CRB1: variants seen among roughly 807,000 people sequenced by gnomAD.
CRB1 encodes crumbs cell polarity complex component 1.
Under a neutral mutation model 120.0 loss-of-function variants are expected in CRB1, and 83 were observed. The observed-to-expected ratio is 0.69, with a 90% CI of 0.58 to 0.83. CRB1 has a LOEUF of 0.83. Among genes scored for constraint, CRB1 ranks in the 40% least tolerant of loss-of-function variants. The pLI is 0.00. For synonymous variants in CRB1, 625 were observed against 612.5 expected, an observed-to-expected ratio of 1.02 and a Z score of -0.30; for missense variants, 1,699 against 1,687.6, an observed-to-expected ratio of 1.01 and a Z score of -0.12.
chr1:197,406,798 T>G (rs1663433218), intron 5 of CRB1, among the ~76,000 whole-genome samples: 1 of 152,206 alleles, frequency 6.6e-6, no homozygotes, highest in South Asian at 2.1e-4. Flanking sequence ...AGTTGTATAG[T>G]GCTTTATATT....
At chr1:197,202,432 AAG>A in the CRB1 span, among the ~76,000 whole-genome samples, 1 of 152,222 alleles carries the variant, frequency 6.6e-6, no homozygotes, top group Non-Finnish European at 1.5e-5. Context: ...ATGTAAAACC[AAG>A]ATAGAAAAAG....
chr1:197,375,282 A>G (rs1043569861), intron 5 of CRB1, among the ~76,000 whole-genome samples: 3 of 152,188 alleles, frequency 2.0e-5, no homozygotes, highest in African/African-American at 7.2e-5. Flanking sequence ...TATCATGTTT[A>G]TGTAGGTTTC....
intron 4 of CRB1, among the ~76,000 whole-genome samples, chr1:197,350,960 T>C (rs1024062678): frequency 2.0e-5 from 3 of 151,726 alleles, no homozygotes; most frequent in Non-Finnish European, 2.9e-5. Flanking sequence ...AATTAGGAAG[T>C]TGTGTAGTCC....
chr1:197,279,701 G>GT (rs1461091870), intron 1 of CRB1, among the ~76,000 whole-genome samples: 2 of 151,708 alleles, frequency 1.3e-5, no homozygotes, highest in Middle Eastern at 3.4e-3. Context: ...CATAAACGTA[G>GT]TTTTTTCTGT....
At chr1:197,456,180 A>G (rs1666276449) in intron 11 of CRB1, among the ~76,000 whole-genome samples, 1 of 152,194 alleles carries the variant, frequency 6.6e-6, no homozygotes, top group African/African-American at 2.4e-5. Context: ...ATATGTATTA[A>G]TGACTGATAA....
intron 5 of CRB1, among the ~76,000 whole-genome samples, chr1:197,390,953 T>G (rs971962985): frequency 6.6e-6 from 1 of 152,034 alleles, no homozygotes; most frequent in Non-Finnish European, 1.5e-5. Context: ...ATATATTTTG[T>G]GACAACATTA....
rs1386890068 is a variant in CRB1, at chr1:197,421,789, C to T, written c.1961C>T (p.Thr654Ile). 4 of 1,614,056 alleles carry T rather than the reference C, an allele frequency of 2.5e-6. No individual in the cohort carries two copies. The highest frequency in any genetic ancestry group is 2.2e-5 in the East Asian group (1 of 44,890). ...ATTAAAATTGATTGGAATCACATTA[C>T]CCTGGAGAACATCTCGTCTGGCTCA... ...QDIKIDWNHITLENISSGSSL... is the reference protein window; with the variant it reads ...QDIKIDWNHIILENISSGSSL... Residue 654 changes from threonine to isoleucine, a missense_variant, in exon 6 of 12, where the codon ACC (threonine) becomes ATC (isoleucine). By Grantham distance (89) the Thr-to-Ile change is moderately conservative. Transcript: ENST00000367400.
At chr1:197,404,452 A>G (rs1373809505) in intron 5 of CRB1, among the ~76,000 whole-genome samples, 1 of 149,254 alleles carries the variant, frequency 6.7e-6, no homozygotes, top group African/African-American at 2.5e-5. Context: ...AAAAAAAAAA[A>G]AAAAAAAAAA....
intron 5 of CRB1, among the ~76,000 whole-genome samples, chr1:197,401,657 C>A (rs1342439729): frequency 1.3e-5 from 2 of 152,124 alleles, no homozygotes; most frequent in African/African-American, 4.8e-5. Context: ...CTTTAATAAT[C>A]TGCCCACTAA....
the CRB1 span, among the ~76,000 whole-genome samples, chr1:197,256,018 A>G: frequency 7.5e-6 from 1 of 132,970 alleles, no homozygotes. Flanking sequence ...TGAATTATAT[A>G]TGTATGTATA....
At chr1:197,226,062 A>C in the CRB1 span, among the ~76,000 whole-genome samples, 1 of 151,998 alleles carries the variant, frequency 6.6e-6, no homozygotes, top group Non-Finnish European at 1.5e-5. Flanking sequence ...CACTATGCCC[A>C]ACTAACTTTT....
intron 5 of CRB1, among the ~76,000 whole-genome samples, chr1:197,369,373 G>C (rs184818153): frequency 2.0e-5 from 3 of 151,960 alleles, no homozygotes; most frequent in Admixed American, 1.3e-4. Context: ...CAACCACCAT[G>C]ACACGCACAT....
intron 5 of CRB1, among the ~76,000 whole-genome samples, chr1:197,405,287 G>T (rs909236258): frequency 1.3e-5 from 2 of 152,106 alleles, no homozygotes; most frequent in Admixed American, 6.5e-5. Flanking sequence ...TGTGTTGGCC[G>T]GGCTGGTCTC....
At chr1:197,408,911 C>G (rs961182713) in intron 5 of CRB1, among the ~76,000 whole-genome samples, 6 of 152,166 alleles carry the variant, frequency 3.9e-5, no homozygotes, top group African/African-American at 1.4e-4. Context: ...AAATCACTTA[C>G]CTATATCCAC....
Position 197,273,237 on chromosome 1 carries a change from G to A in CRB1, c.70+4755G>A, listed in dbSNP as rs116659168. ...TTCTCCCAATATTGGAGTTAGTTTT[G>A]TGTTTTCCTCATGGTGAAACTGGAG... On this transcript the variant is annotated intron_variant, in intron 1 of 11. Transcript: ENST00000367400. Among the ~76,000 whole-genome samples, 345 of 152,120 alleles carry A rather than the reference G, an allele frequency of 2.3e-3. 3 individuals carry two copies. Among genetic ancestry groups the A allele is most frequent in the African/African-American group, 8.0e-3 (331 of 41,520 alleles).
chr1:197,262,299 A>G, the CRB1 span, among the ~76,000 whole-genome samples: 1 of 152,150 alleles, frequency 6.6e-6, no homozygotes, highest in Non-Finnish European at 1.5e-5. Context: ...TTGGTTTTGA[A>G]TAGACAGCTC....
chr1:197,267,285 G>A (rs1336161779), upstream of CRB1, among the ~76,000 whole-genome samples: 1 of 152,082 alleles, frequency 6.6e-6, no homozygotes, highest in East Asian at 1.9e-4. Flanking sequence ...TAATTGTCAT[G>A]AATTCTATAA....
intron 1 of CRB1, among the ~76,000 whole-genome samples, chr1:197,273,651 C>A (rs1202558706): frequency 6.6e-6 from 1 of 151,944 alleles, no homozygotes; most frequent in Non-Finnish European, 1.5e-5. Context: ...TTATTTTATA[C>A]TCTGGGTTAT....
intron 2 of CRB1, among the ~76,000 whole-genome samples, chr1:197,332,394 A>G (rs575513916): frequency 6.6e-6 from 1 of 152,266 alleles, no homozygotes; most frequent in Admixed American, 6.5e-5. Context: ...CTATTTGACT[A>G]TATTCTTCCC....
Sources: allele counts gnomAD v4.1 joint callset (sites outside exome capture counted in the v4.1 genomes callset), GRCh38; gene constraint gnomAD v4.1.1; transcripts MANE v1.5; gene names NCBI Gene and HGNC (gene_info 2026-07-23, HGNC 2026-07-21).